Variants in SV2B observed in about 807,000 individuals in gnomAD.
SV2B encodes synaptic vesicle glycoprotein 2B.
A neutral mutation model predicts 73.9 loss-of-function variants in SV2B; 41 were observed. The observed-to-expected ratio is 0.56, with a 90% CI of 0.43 to 0.72. The LOEUF (loss-of-function observed/expected upper bound fraction) is 0.72, where lower values mean the gene tolerates loss of function less well. SV2B is among the 30% of genes least tolerant of loss of function. The probability of loss-of-function intolerance (pLI) is 0.00; values close to 1 mark genes in which losing one functional copy is unlikely to be tolerated. For missense variants in SV2B, 764 were observed against 857.8 expected (o/e 0.89, Z 1.37); for synonymous variants, 314 against 314.2 (o/e 1.00, Z 0.01).
rs1596619063 is a variant in SV2B at position 91,223,873 on chromosome 15, C to T, written c.-391-2000C>T. Among the ~76,000 whole-genome samples, 1 of 152,130 alleles carries T rather than the reference C, an allele frequency of 6.6e-6. No individual in the cohort carries two copies. The highest frequency in any genetic ancestry group is 1.9e-4 in the East Asian group (1 of 5,186). ...TTTCTCAAAGTGCAGTCCTGGATTC[C>T]GTGTGTTATTTGTGGAAAATGCAGA... On this transcript the variant is annotated intron_variant, in intron 1 of 12. Transcript: ENST00000394232. This position sits in a 1 kb window ranked among gnomAD's most constrained non-coding sequence, Gnocchi z 4.6.
rs1036122787 is a variant in SV2B at position 91,295,159 on chromosome 15, G to A, written c.*2607G>A. The A allele has an allele frequency of 6.6e-6, 1 of 152,588 alleles. No homozygotes were observed. Among genetic ancestry groups the A allele is most frequent in the African/African-American group, 2.4e-5 (1 of 41,454 alleles). 9.5% of individuals were successfully genotyped at this position (152,588 alleles called of 1,614,324 possible). ...CCTTTGTTTAGCAAATCTGTTCACA[G>A]TTCTTGATGATGTATTTTATGATGC... On this transcript the variant is annotated 3_prime_UTR_variant, in exon 13 of 13. Transcript: ENST00000394232.
Position 91,241,329 on chromosome 15 carries a change from CT to C in SV2B, c.452-10486del, listed in dbSNP as rs908038070. Among the ~76,000 whole-genome samples the C allele has an allele frequency of 6.6e-6, 1 of 152,188 alleles. No individual in the cohort carries two copies. The highest frequency in any genetic ancestry group is 2.4e-5 in the African/African-American group (1 of 41,444). ...GTTCCCCACCCCTGGTTGCATCCGA[CT>C]TTTCCTCCATCTGTCCCTAAACCCC... On this transcript the variant is annotated intron_variant, in intron 2 of 12. Coordinates refer to ENST00000394232, the MANE Select transcript of SV2B (RefSeq NM_001323032.3). The surrounding 1 kb of genome is among the most constrained non-coding windows in gnomAD (Gnocchi z 4.8).
intron 12 of SV2B, 113 bp from the exon 13 acceptor site, chr15:91,292,256 A>G (rs1237011766): frequency 1.7e-5 from 17 of 1,017,156 alleles, no homozygotes; most frequent in South Asian, 5.9e-5. Context: ...TATATTTAGG[A>G]AAAAAAACTC....
chr15:91,289,698 C>A lies in SV2B; in HGVS notation c.1868+18C>A. 6.2e-7 allele frequency: 1 copy of A among 1,607,916 alleles called. No individual in the cohort carries two copies. The highest frequency in any genetic ancestry group is 8.5e-7 in the Non-Finnish European group (1 of 1,176,918). On this transcript the variant is annotated intron_variant, in intron 12 of 12. Coordinates refer to ENST00000394232, the MANE Select transcript of SV2B (RefSeq NM_001323032.3). The surrounding 1 kb of genome is among the most constrained non-coding windows in gnomAD (Gnocchi z 4.9). The stretch of plus-strand genomic sequence containing the variant: ...AACCAGAGGTCAGTTCTTCCCCAGG[C>A]TTTCCTCAGGGACTTGTTTGGGCTT...
rs79872252 is a variant in SV2B at position 91,223,729 on chromosome 15, C to T, written c.-391-2144C>T. Among the ~76,000 whole-genome samples, 1,377 of 152,288 alleles carry T rather than the reference C, an allele frequency of 9.0e-3. 9 individuals carry two copies. The highest frequency in any genetic ancestry group is 0.026 in the South Asian group (126 of 4,828). On this transcript the variant is annotated intron_variant, in intron 1 of 12. Coordinates refer to ENST00000394232, the MANE Select transcript of SV2B (RefSeq NM_001323032.3). The surrounding 1 kb of genome is among the most constrained non-coding windows in gnomAD (Gnocchi z 4.6). ...AAACAGATTTAGAATATTAATCTGA[C>T]GTGGTTCAGGCCAACATGGTCTAAT...
At position 91,261,257 on chromosome 15, in the gene SV2B, TG is replaced by T. The variant is rs2047900797; in HGVS notation, c.1008+849del. ...CAGCCTGGGCAACAGAGCAGGACTG[TG>T]TCTGAAAAAAAAAGATAACAGAAAT... On this transcript the variant is annotated intron_variant, in intron 6 of 12. Transcript: ENST00000394232. This position sits in a 1 kb window ranked among gnomAD's most constrained non-coding sequence, Gnocchi z 4.7. Among the ~76,000 whole-genome samples the T allele has an allele frequency of 8.4e-6, 1 of 119,174 alleles. No homozygotes were observed. The highest frequency in any genetic ancestry group is 1.7e-5 in the Non-Finnish European group (1 of 59,808). 78.2% of individuals were successfully genotyped at this position (119,174 alleles called of 152,430 possible). A position where few individuals can be genotyped will look rare whatever the true frequency, so the allele number is the denominator to read the frequency against.
chr15:91,274,803 G>A (rs1382072473), intron 9 of SV2B, among the ~76,000 whole-genome samples: 1 of 152,038 alleles, frequency 6.6e-6, no homozygotes, highest in African/African-American at 2.4e-5. Context: ...AATGTGTTAG[G>A]ACTTTGTTTT....
At chr15:91,243,071 G>C (rs1283871900) in intron 2 of SV2B, among the ~76,000 whole-genome samples, 1 of 152,152 alleles carries the variant, frequency 6.6e-6, no homozygotes, top group Non-Finnish European at 1.5e-5. Flanking sequence ...GGCCCTGTTG[G>C]CATCTGCTTT....
rs1400394272 is a variant in SV2B, at chr15:91,239,879, C to T, written c.452-11940C>T. Among the ~76,000 whole-genome samples the T allele has an allele frequency of 6.6e-6, 1 of 152,196 alleles. No homozygotes were observed. Among genetic ancestry groups the T allele is most frequent in the Non-Finnish European group, 1.5e-5 (1 of 68,042 alleles). Reference sequence around the variant, plus strand: ...CTTTCCATGGTGGTCACAAGATAGCCACCATAGCTCTAATCTAAGTCCCCC... The same window carrying T: ...CTTTCCATGGTGGTCACAAGATAGCTACCATAGCTCTAATCTAAGTCCCCC... On this transcript the variant is annotated intron_variant, in intron 2 of 12. Transcript: ENST00000394232. This position sits in a 1 kb window ranked among gnomAD's most constrained non-coding sequence, Gnocchi z 5.1.
rs1409810780 is a variant in SV2B, at chr15:91,232,286, T to C, written c.451+5572T>C. 6.6e-6 allele frequency among the ~76,000 whole-genome samples: 1 copy of C among 152,226 alleles called. No individual in the cohort carries two copies. Among genetic ancestry groups the C allele is most frequent in the Non-Finnish European group, 1.5e-5 (1 of 68,032 alleles). ...TTGATTTATATCAGTTGTTCTTATT[T>C]ATACTGTTTAGATCATGTAATTCTT... is the stretch of plus-strand genomic sequence containing the variant. On this transcript the variant is annotated intron_variant, in intron 2 of 12. Transcript: ENST00000394232. This position sits in a 1 kb window ranked among gnomAD's most constrained non-coding sequence, Gnocchi z 4.7.
In SV2B at chr15:91,239,114, A is replaced by G. The variant is rs1266666115; in HGVS notation, c.451+12400A>G. 6.6e-6 allele frequency among the ~76,000 whole-genome samples: 1 copy of G among 152,200 alleles called. No homozygotes were observed. Among genetic ancestry groups the G allele is most frequent in the Non-Finnish European group, 1.5e-5 (1 of 68,034 alleles). ...AAGGGGGTGTGATAGAAGGTCCTGG[A>G]AATGTAATAGCCTTTGAAATGCCCC... On this transcript the variant is annotated intron_variant, in intron 2 of 12. Coordinates refer to ENST00000394232, the MANE Select transcript of SV2B (RefSeq NM_001323032.3). This position sits in a 1 kb window ranked among gnomAD's most constrained non-coding sequence, Gnocchi z 5.1.
In SV2B at chr15:91,195,460, A is replaced by G. The variant is rs1159445855; in HGVS notation, c.-391-30413A>G. Among the ~76,000 whole-genome samples the G allele has an allele frequency of 1.3e-5, 2 of 152,324 alleles. 1 individual carries two copies. Among genetic ancestry groups the G allele is most frequent in the Non-Finnish European group, 2.9e-5 (2 of 68,028 alleles). ...CAGTTGTGAGCCACTGTGCCTAGCT[A>G]CATAAATTATTTGACCCATAGCTAC... On this transcript the variant is annotated intron_variant, in intron 1 of 12. Transcript: ENST00000394232.
chr15:91,202,636 AG>A (rs1279313526), intron 1 of SV2B, among the ~76,000 whole-genome samples: 1 of 152,188 alleles, frequency 6.6e-6, no homozygotes, highest in Non-Finnish European at 1.5e-5. Flanking sequence ...TGGGAAGCAG[AG>A]GGAGATTAGC....
At position 91,290,078 on chromosome 15, in the gene SV2B, G is replaced by T. The variant is rs2048990489; in HGVS notation, c.1868+398G>T. 6.6e-6 allele frequency among the ~76,000 whole-genome samples: 1 copy of T among 152,232 alleles called. No homozygotes were observed. Among genetic ancestry groups the T allele is most frequent in the African/African-American group, 2.4e-5 (1 of 41,462 alleles). ...GGAGAGAAATAAAGGTCGGGAGGCAGCATGAAGTCCAGGGAATCTGCAGAG... is the reference window on the plus strand; with the variant it reads ...GGAGAGAAATAAAGGTCGGGAGGCATCATGAAGTCCAGGGAATCTGCAGAG... On this transcript the variant is annotated intron_variant, in intron 12 of 12. Coordinates refer to ENST00000394232, the MANE Select transcript of SV2B (RefSeq NM_001323032.3). This position sits in a 1 kb window ranked among gnomAD's most constrained non-coding sequence, Gnocchi z 4.7.
chr15:91,121,161 T>G lies in SV2B; in HGVS notation c.-392+20798T>G, dbSNP rs1156491110. Reference sequence around the variant, plus strand: ...TTTTTCTCTTTGAAATAAAAAAGTGTTAAGGTAAGGCTAACTTTGCTTGAA... The same window carrying G: ...TTTTTCTCTTTGAAATAAAAAAGTGGTAAGGTAAGGCTAACTTTGCTTGAA... On this transcript the variant is annotated intron_variant, in intron 1 of 12. Transcript: ENST00000394232. This position sits in a 1 kb window ranked among gnomAD's most constrained non-coding sequence, Gnocchi z 4.4. Among the ~76,000 whole-genome samples the G allele has an allele frequency of 6.6e-6, 1 of 152,184 alleles. No homozygotes were observed. The highest frequency in any genetic ancestry group is 1.5e-5 in the Non-Finnish European group (1 of 68,020).
In SV2B at chr15:91,164,208, C is replaced by G. The variant is rs145206784; in HGVS notation, c.-391-61665C>G. ...TTTATAGATTCAATGCCATCCCCAT[C>G]AAGCTACCAATGACTTTCTTTGCAG... is the stretch of plus-strand genomic sequence containing the variant. On this transcript the variant is annotated intron_variant, in intron 1 of 12. Transcript: ENST00000394232. Among the ~76,000 whole-genome samples, 931 of 152,286 alleles carry G rather than the reference C, an allele frequency of 6.1e-3. 7 individuals are homozygous for G. Among genetic ancestry groups the G allele is most frequent in the African/African-American group, 0.02 (851 of 41,542 alleles).
At chr15:91,233,118 A>T (rs1356777908) in intron 2 of SV2B, among the ~76,000 whole-genome samples, 1 of 152,156 alleles carries the variant, frequency 6.6e-6, no homozygotes, top group African/African-American at 2.4e-5. Context: ...GTTGATGGGC[A>T]CTTATGTTGA....
At chr15:91,213,331 C>G (rs1440049952) in intron 1 of SV2B, among the ~76,000 whole-genome samples, 1 of 152,098 alleles carries the variant, frequency 6.6e-6, no homozygotes, top group Non-Finnish European at 1.5e-5. Flanking sequence ...GTGGGAGATG[C>G]AGTTAGGGTG....
intron 1 of SV2B, among the ~76,000 whole-genome samples, chr15:91,158,633 C>CCTTTT (rs767357230): frequency 0.092 from 4,984 of 53,996 alleles, 1,184 homozygotes; most frequent in African/African-American, 0.21. Flanking sequence ...TTTTATTTTC[C>CCTTTT]CTCTTCTCTT....
Sources: allele counts gnomAD v4.1 joint callset (sites outside exome capture counted in the v4.1 genomes callset), GRCh38; gene constraint gnomAD v4.1.1; non-coding constraint Gnocchi (gnomAD v3.1); transcripts MANE v1.5; gene names NCBI Gene and HGNC (gene_info 2026-07-23, HGNC 2026-07-21).